The following MYCBP variants were observed in gnomAD, a reference collection of about 807,000 sequenced individuals.
MYCBP encodes MYC binding protein.
In MYCBP, 5 loss-of-function variants were observed where a neutral mutation model predicts 16.8. That is an observed-to-expected ratio of 0.30 (90% CI 0.16 to 0.63). MYCBP has a LOEUF of 0.63. Ranked by LOEUF, MYCBP falls within the 20% of genes least tolerant of loss-of-function variation. The probability of loss-of-function intolerance (pLI) is 0.83; values close to 1 mark genes in which losing one functional copy is unlikely to be tolerated. For missense variants in MYCBP, 103 were observed against 121.8 expected, an observed-to-expected ratio of 0.85 and a Z score of 0.73; for synonymous variants, 35 against 43.7, an observed-to-expected ratio of 0.80 and a Z score of 0.79.
At chr1:38,868,819 T>G (rs1008028316) in intron 2 of MYCBP, among the ~76,000 whole-genome samples, 2 of 152,028 alleles carry the variant, frequency 1.3e-5, no homozygotes, top group African/African-American at 4.8e-5. Context: ...GGCAGGAGAA[T>G]GGCGTCAACC....
At chr1:38,871,513 C>A (rs1160027319) in intron 2 of MYCBP, among the ~76,000 whole-genome samples, 2 of 146,028 alleles carry the variant, frequency 1.4e-5, no homozygotes, top group Non-Finnish European at 3.0e-5. Flanking sequence ...ACCTCCTGGG[C>A]TCAGGTGATT....
At chr1:38,869,093 T>TG (rs1189983250) in intron 2 of MYCBP, among the ~76,000 whole-genome samples, 4 of 151,238 alleles carry the variant, frequency 2.6e-5, no homozygotes, top group Admixed American at 1.3e-4. Flanking sequence ...TTTTTTTTTT[T>TG]GTTTTTTTTT....
At chr1:38,867,631 A>G in intron 2 of MYCBP, 21 bp from the exon 3 acceptor site, 2 of 1,610,600 alleles carry the variant, frequency 1.2e-6, no homozygotes, top group Admixed American at 1.7e-5. Context: ...AAAAGCAGAA[A>G]AAGCAACAAT....
At chr1:38,866,794 C>G in intron 4 of MYCBP, 86 bp downstream of exon 4, 2 of 1,076,442 alleles carry the variant, frequency 1.9e-6, no homozygotes, top group Middle Eastern at 3.0e-4. Flanking sequence ...CCACCTCCCT[C>G]CCCTCCTGTC....
At chr1:38,868,258 G>A (rs966187495) in intron 2 of MYCBP, among the ~76,000 whole-genome samples, 6 of 152,168 alleles carry the variant, frequency 3.9e-5, no homozygotes, top group African/African-American at 1.4e-4. Flanking sequence ...GGGAGTGAGA[G>A]AACAGTGAGA....
intron 3 of MYCBP, 111 bp downstream of exon 3, chr1:38,867,451 A>T: frequency 1.0e-6 from 1 of 957,982 alleles, no homozygotes; most frequent in Non-Finnish European, 1.5e-6. Context: ...CGTCTCAAAA[A>T]AAAAAAAAAA....
intron 2 of MYCBP, among the ~76,000 whole-genome samples, chr1:38,868,116 G>A (rs187558383): frequency 3.9e-4 from 59 of 152,312 alleles, no homozygotes; most frequent in South Asian, 8.3e-4. Context: ...TTTAAAGGAA[G>A]GGAGTGACAG....
In MYCBP at chr1:38,873,336, G is replaced by T; in HGVS notation, c.-31C>A. The T allele has an allele frequency of 1.3e-6, 2 of 1,598,520 alleles. No homozygotes were observed. The highest frequency in any genetic ancestry group is 1.7e-6 in the Non-Finnish European group (2 of 1,177,794). ...CAGCGGCAGCGGCGTAGCTGGCGCC[G>T]GAGACCGCGACTGGCGGGTTGGGAG... On this transcript the variant is annotated 5_prime_UTR_variant, in exon 1 of 5. Transcript: ENST00000397572.
At chr1:38,869,523 A>C (rs1326785715) in intron 2 of MYCBP, among the ~76,000 whole-genome samples, 1 of 152,212 alleles carries the variant, frequency 6.6e-6, no homozygotes, top group South Asian at 2.1e-4. Context: ...CTGTAAATAC[A>C]AAGTTTCCTG....
intron 2 of MYCBP, among the ~76,000 whole-genome samples, chr1:38,868,780 G>C (rs532667137): frequency 5.3e-5 from 8 of 152,068 alleles, no homozygotes; most frequent in South Asian, 2.1e-4. Context: ...GTGGCGGGCG[G>C]CTGTAGTCCC....
Position 38,873,051 on chromosome 1 carries a change from C to A in MYCBP, c.55G>T (p.Glu19Ter). The change falls in exon 2 of 5, where the codon GAG becomes TAG. Residue 19 changes from glutamate to a stop codon, truncating the protein, a stop_gained. Coordinates refer to ENST00000397572, the MANE Select transcript of MYCBP (RefSeq NM_012333.5). LOFTEE classifies it high-confidence loss of function. ...AGCGTGTCCAGCACCCCCGACTTCT[C>A]CAAGTACCTCCGGAACTGCTCACGC... ...SKREQFRRYL[E>*]KSGVLDTLTK... 6.3e-7 allele frequency: 1 copy of A among 1,575,588 alleles called. No individual in the cohort carries two copies. The highest frequency in any genetic ancestry group is 2.4e-5 in the East Asian group (1 of 42,068).
At position 38,864,132 on chromosome 1, in the gene MYCBP, C is replaced by G. The variant is rs1448937760; in HGVS notation, c.*538G>C. On this transcript the variant is annotated 3_prime_UTR_variant, in exon 5 of 5. Transcript: ENST00000397572. ...TGTGGTGTCAGAGTTCAAACTGGCA[C>G]ACACACACACAGTTATCTAAGGCAA... is the stretch of plus-strand genomic sequence containing the variant. The G allele has an allele frequency of 6.5e-6, 1 of 153,674 alleles. No homozygotes were observed. Among genetic ancestry groups the G allele is most frequent in the African/African-American group, 2.4e-5 (1 of 41,420 alleles). The allele number at this position is 153,674 out of a possible 1,614,324, so 9.5% of individuals were successfully genotyped here. A position where few individuals can be genotyped will look rare whatever the true frequency, so the allele number is the denominator to read the frequency against.
chr1:38,866,619 G>A (rs1642345192), intron 4 of MYCBP, among the ~76,000 whole-genome samples: 1 of 151,362 alleles, frequency 6.6e-6, no homozygotes, highest in African/African-American at 2.4e-5. Context: ...GTTTCACCAT[G>A]TTGACCAGGC....
chr1:38,864,276 A>G lies in MYCBP; in HGVS notation c.*394T>C. ...CTCTCCAGCTGCCTATAGGGAATATACAGAACAGTGTCACCTTCAAAGAAT... is the reference window on the plus strand; with the variant it reads ...CTCTCCAGCTGCCTATAGGGAATATGCAGAACAGTGTCACCTTCAAAGAAT... On this transcript the variant is annotated 3_prime_UTR_variant, in exon 5 of 5. Transcript: ENST00000397572. 4.4e-6 allele frequency: 1 copy of G among 227,906 alleles called. No individual in the cohort carries two copies. The highest frequency in any genetic ancestry group is 6.0e-5 in the South Asian group (1 of 16,654). The allele number at this position is 227,906 out of a possible 1,614,324, so 14.1% of individuals were successfully genotyped here. A position where few individuals can be genotyped will look rare whatever the true frequency, so the allele number is the denominator to read the frequency against.
chr1:38,864,695 G>T lies in MYCBP; in HGVS notation c.287C>A (p.Pro96His). The T allele has an allele frequency of 6.2e-7, 1 of 1,613,880 alleles. No homozygotes were observed. Among genetic ancestry groups the T allele is most frequent in the Non-Finnish European group, 8.5e-7 (1 of 1,179,872 alleles). Residue 96 changes from proline to histidine, a missense_variant, in exon 5 of 5, where the codon CCT becomes CAT. Physicochemically the swap from Pro to His is moderately conservative, Grantham distance 77. Transcript: ENST00000397572. The stretch of plus-strand genomic sequence containing the variant: ...CTATTCAGCACGCTTCTCCTCCTGA[G>T]GTGGTTCATACTGAGCAAGCTATGG... ...LKAKLAQYEP[P>H]QEEKRAE
At chr1:38,871,360 A>G (rs9439080) in intron 2 of MYCBP, among the ~76,000 whole-genome samples, 143,957 of 151,310 alleles carry the variant, frequency 0.95, 68,769 homozygotes, top group African/African-American at 0.98. Context: ...CTGGTCAAAA[A>G]TTACTTCTTA....
At chr1:38,871,342 TC>T (rs1464083055) in intron 2 of MYCBP, among the ~76,000 whole-genome samples, 2 of 151,896 alleles carry the variant, frequency 1.3e-5, no homozygotes, top group Admixed American at 1.3e-4. Context: ...TCTGTTTCTT[TC>T]AGGTTTCTGG....
intron 2 of MYCBP, among the ~76,000 whole-genome samples, chr1:38,870,355 A>G (rs1642435427): frequency 6.6e-6 from 1 of 151,724 alleles, no homozygotes; most frequent in Admixed American, 6.6e-5. Flanking sequence ...AAAAATATAT[A>G]TATGTAAATT....
rs1341404639 is a variant in MYCBP at position 38,866,237 on chromosome 1, G to A, written c.267+643C>T. Reference sequence around the variant, plus strand: ...CTAATTTTGTATTTTCAGTAGAGACGGGGTTTCTCCATGCTGGCCAGGCTG... The same window carrying A: ...CTAATTTTGTATTTTCAGTAGAGACAGGGTTTCTCCATGCTGGCCAGGCTG... On this transcript the variant is annotated intron_variant, in intron 4 of 4. Transcript: ENST00000397572. Among the ~76,000 whole-genome samples, 18 of 150,950 alleles carry A rather than the reference G, an allele frequency of 1.2e-4. No individual in the cohort carries two copies. The East Asian group carries it at 1.8e-3, about 15-fold the overall frequency.
Sources: allele counts gnomAD v4.1 joint callset (sites outside exome capture counted in the v4.1 genomes callset), GRCh38; gene constraint gnomAD v4.1.1; transcripts MANE v1.5; gene names NCBI Gene and HGNC (gene_info 2026-07-23, HGNC 2026-07-21).